The following ARHGAP5 variants were observed in gnomAD, a reference collection of about 807,000 sequenced individuals.
The protein encoded by ARHGAP5 is Rho GTPase activating protein 5.
ARHGAP5 carries 23 observed loss-of-function variants against 116.6 expected under a neutral mutation model. That is an observed-to-expected ratio of 0.20 (90% CI 0.14 to 0.28). The LOEUF (loss-of-function observed/expected upper bound fraction) is 0.28. Ranked by LOEUF, ARHGAP5 falls within the 10% of genes least tolerant of loss-of-function variation. The pLI is 1.00. For synonymous variants in ARHGAP5, 574 were observed against 602.0 expected (o/e 0.95, Z 0.68); for missense variants, 1,405 against 1,774.8 (o/e 0.79, Z 3.74).
intron 1 of ARHGAP5, chr14:32,078,137 A>G (rs930179103): frequency 2.0e-5 from 3 of 146,916 alleles, no homozygotes; most frequent in African/African-American, 5.1e-5. Context: ...CTCTCTTTCC[A>G]CTAAAGAAAA....
chr14:32,101,054 A>AT (rs1878768422), intron 2 of ARHGAP5, among the ~76,000 whole-genome samples: 1 of 152,096 alleles, frequency 6.6e-6, no homozygotes. Flanking sequence ...TATTCAGATG[A>AT]TTTTTTATTT....
At chr14:32,132,294 G>A (rs1355954612) in intron 3 of ARHGAP5, among the ~76,000 whole-genome samples, 1 of 152,110 alleles carries the variant, frequency 6.6e-6, no homozygotes, top group Non-Finnish European at 1.5e-5. Flanking sequence ...GTGTGAGATG[G>A]TATCTTATTG....
At chr14:32,130,391 T>C (rs921886482) in intron 3 of ARHGAP5, among the ~76,000 whole-genome samples, 3 of 150,954 alleles carry the variant, frequency 2.0e-5, no homozygotes, top group African/African-American at 7.3e-5. Flanking sequence ...TTTTGGGTTT[T>C]TTTTTTTTTT....
At chr14:32,147,415 A>G (rs572844111) in intron 4 of ARHGAP5, among the ~76,000 whole-genome samples, 2 of 152,354 alleles carry the variant, frequency 1.3e-5, no homozygotes, top group South Asian at 2.1e-4. Flanking sequence ...CTTAGCCTCT[A>G]TTAATGATAA....
chr14:32,102,362 TC>T (rs999169051), intron 2 of ARHGAP5, among the ~76,000 whole-genome samples: 1 of 152,048 alleles, frequency 6.6e-6, no homozygotes, highest in African/African-American at 2.4e-5. Flanking sequence ...AGTAGAATTA[TC>T]CAACTGAATT....
At chr14:32,086,732 CA>C (rs1033924557) in intron 1 of ARHGAP5, among the ~76,000 whole-genome samples, 11 of 151,638 alleles carry the variant, frequency 7.3e-5, no homozygotes, top group African/African-American at 2.7e-4. Context: ...AAGGAGGATG[CA>C]GTGTTTGAAT....
At chr14:32,082,236 C>T (rs183980571) in intron 1 of ARHGAP5, among the ~76,000 whole-genome samples, 2 of 152,284 alleles carry the variant, frequency 1.3e-5, no homozygotes, top group Non-Finnish European at 2.9e-5. Flanking sequence ...TCTGTATTAA[C>T]CAAGTATCTA....
chr14:32,129,725 T>C (rs1880374069), intron 3 of ARHGAP5, among the ~76,000 whole-genome samples: 1 of 152,176 alleles, frequency 6.6e-6, no homozygotes, highest in African/African-American at 2.4e-5. Context: ...TGCCCTACCT[T>C]GTCTGGATAT....
chr14:32,120,911 G>T (rs911301854), intron 3 of ARHGAP5, among the ~76,000 whole-genome samples: 1 of 151,334 alleles, frequency 6.6e-6, no homozygotes. Flanking sequence ...GTTGAAATCT[G>T]CAATCATGAT....
At chr14:32,115,462 G>A (rs1159398888) in intron 2 of ARHGAP5, among the ~76,000 whole-genome samples, 1 of 152,016 alleles carries the variant, frequency 6.6e-6, no homozygotes, top group African/African-American at 2.4e-5. Flanking sequence ...AGGAGATGGA[G>A]ACTATCCTGG....
intron 4 of ARHGAP5, among the ~76,000 whole-genome samples, chr14:32,149,565 G>A (rs1251263422): frequency 6.6e-6 from 1 of 152,062 alleles, no homozygotes; most frequent in African/African-American, 2.4e-5. Flanking sequence ...AGGGTCAGGA[G>A]TTCGAGACCA....
intron 1 of ARHGAP5, among the ~76,000 whole-genome samples, chr14:32,085,793 A>G (rs1410885506): frequency 6.6e-6 from 1 of 152,200 alleles, no homozygotes; most frequent in African/African-American, 2.4e-5. Context: ...TAAACAGCCA[A>G]AAATTTTGAA....
chr14:32,136,475 T>G (rs1483347589), intron 3 of ARHGAP5, among the ~76,000 whole-genome samples: 6 of 152,212 alleles, frequency 3.9e-5, no homozygotes, highest in Non-Finnish European at 7.3e-5. Context: ...ATAAATTCCA[T>G]TATATAGCTA....
chr14:32,104,841 T>C (rs896616554), intron 2 of ARHGAP5, among the ~76,000 whole-genome samples: 12 of 152,284 alleles, frequency 7.9e-5, no homozygotes, highest in African/African-American at 2.4e-4. Context: ...ACTTGAGTTA[T>C]TGGTCTTTGT....
intron 3 of ARHGAP5, among the ~76,000 whole-genome samples, chr14:32,131,830 C>T (rs139085406): frequency 5.9e-4 from 90 of 152,216 alleles, no homozygotes; most frequent in African/African-American, 1.7e-3. Context: ...TGAGAACATG[C>T]GGTGTTTGGT....
In ARHGAP5 at chr14:32,154,868, G is replaced by C; in HGVS notation, c.4429G>C (p.Val1477Leu). 6.2e-7 allele frequency: 1 copy of C among 1,614,064 alleles called. No individual in the cohort carries two copies. The highest frequency in any genetic ancestry group is 8.5e-7 in the Non-Finnish European group (1 of 1,179,976). The change falls in exon 7 of 7, where the codon GTG becomes CTG. Residue 1477 changes from valine to leucine, a missense_variant. Coordinates refer to ENST00000345122, the MANE Select transcript of ARHGAP5 (RefSeq NM_001030055.2). Reference sequence around the variant, plus strand: ...CCCAGGACAGTTGGTGGAACCAATGGTGCCACTTCAGTTGCCGCCACCATT... The same window carrying C: ...CCCAGGACAGTTGGTGGAACCAATGCTGCCACTTCAGTTGCCGCCACCATT... ...SNPGQLVEPM[V>L]PLQLPPPLQP...
chr14:32,103,472 A>G (rs1878879645), intron 2 of ARHGAP5, among the ~76,000 whole-genome samples: 1 of 152,182 alleles, frequency 6.6e-6, no homozygotes, highest in Non-Finnish European at 1.5e-5. Flanking sequence ...AGCGTACTGA[A>G]TATTTTGTAA....
At chr14:32,131,500 AC>A (rs956260502) in intron 3 of ARHGAP5, among the ~76,000 whole-genome samples, 2 of 149,404 alleles carry the variant, frequency 1.3e-5, no homozygotes, top group African/African-American at 2.5e-5. Context: ...TGAAACGCCA[AC>A]CCCCCCATTT....
chr14:32,132,233 C>G (rs1376252905), intron 3 of ARHGAP5, among the ~76,000 whole-genome samples: 1 of 152,194 alleles, frequency 6.6e-6, no homozygotes, highest in Non-Finnish European at 1.5e-5. Context: ...TCTCCACATC[C>G]TCTCCAGCAC....
Sources: gnomAD v4.1 joint callset for allele counts (sites outside exome capture counted in the v4.1 genomes callset) on GRCh38, gnomAD v4.1.1 for gene constraint, MANE v1.5 for transcripts, NCBI Gene and HGNC (gene_info 2026-07-23, HGNC 2026-07-21) for gene names.